HDAC9: variants seen among roughly 807,000 people sequenced by gnomAD.
HDAC9 encodes MEF-2 interacting transcription repressor (MITR) protein.
HDAC9 carries 41 observed loss-of-function variants against 139.4 expected under a neutral mutation model. That is an observed-to-expected ratio of 0.29 (90% confidence interval 0.23 to 0.38). The LOEUF is 0.38. Among genes scored for constraint, HDAC9 ranks in the 10% least tolerant of loss-of-function variants. The pLI is 1.00. For synonymous variants in HDAC9, 517 were observed against 476.2 expected (o/e 1.09, Z -1.12); for missense variants, 1,147 against 1,297.0 (o/e 0.88, Z 1.78).
intron 2 of HDAC9, among the ~76,000 whole-genome samples, chr7:18,582,488 C>A (rs114880964): frequency 0.01 from 1,537 of 152,072 alleles, 17 homozygotes; most frequent in Middle Eastern, 0.041. Context: ...CTTGATAAAT[C>A]TATTTTGACT....
At chr7:18,193,525 A>AT (rs1790505305) in intron 2 of HDAC9, among the ~76,000 whole-genome samples, 1 of 151,900 alleles carries the variant, frequency 6.6e-6, no homozygotes, top group Admixed American at 6.6e-5. Flanking sequence ...ATGTAGCGCC[A>AT]TGCTATATAA....
At chr7:18,392,399 GGATAGATAGATAGATAGATA>G (rs58794891) in intron 1 of HDAC9, among the ~76,000 whole-genome samples, 7 of 146,748 alleles carry the variant, frequency 4.8e-5, no homozygotes, top group Non-Finnish European at 9.0e-5. Context: ...ATAGATAGAT[GGATAGATAGATAGATAGATA>G]GATAGATAGA....
intron 1 of HDAC9, among the ~76,000 whole-genome samples, chr7:18,303,641 C>A (rs1798718046): frequency 6.6e-6 from 1 of 152,098 alleles, no homozygotes; most frequent in African/African-American, 2.4e-5. Context: ...CTTCTTTTTC[C>A]ATGGAAACAG....
At chr7:18,885,281 T>C (rs962380523) in intron 22 of HDAC9, among the ~76,000 whole-genome samples, 2 of 152,208 alleles carry the variant, frequency 1.3e-5, no homozygotes, top group Non-Finnish European at 2.9e-5. Context: ...AAAGGGAACA[T>C]TAATTTCATC....
rs370656742 is a variant in HDAC9 at position 18,393,544 on chromosome 7, C to A, written c.-41-102718C>A. Among the ~76,000 whole-genome samples, 14 of 152,046 alleles carry A rather than the reference C, an allele frequency of 9.2e-5. No homozygotes were observed. In the East Asian group the frequency reaches 2.5e-3, roughly 27 times the overall value. ...TTTTAAAAGGATGGATGAGGTGAGG[C>A]AGGGAGGGGGAGGCATGTAGAACTG... On this transcript the variant is annotated intron_variant, in intron 1 of 3. Coordinates refer to the HDAC9 transcript ENST00000413509.
intron 2 of HDAC9, among the ~76,000 whole-genome samples, chr7:18,212,950 C>T (rs1318333627): frequency 6.6e-6 from 1 of 152,192 alleles, no homozygotes; most frequent in East Asian, 1.9e-4. Context: ...GAACCAGCTG[C>T]AAGCTGTCTA....
At chr7:18,169,425 C>G (rs1198761615) in intron 2 of HDAC9, among the ~76,000 whole-genome samples, 1 of 151,098 alleles carries the variant, frequency 6.6e-6, no homozygotes, top group East Asian at 1.9e-4. Flanking sequence ...TTTTGCCATA[C>G]TTTTCCTTGC....
intron 16 of HDAC9, among the ~76,000 whole-genome samples, chr7:18,771,466 GTCTTAAATTTTCTTTTATCT>G (rs1790285269): frequency 6.6e-6 from 1 of 151,980 alleles, no homozygotes; most frequent in African/African-American, 2.4e-5. Flanking sequence ...TGGATGAAAT[GTCTTAAATTTTCTTTTATCT>G]TGTCAGAATT....
intron 2 of HDAC9, among the ~76,000 whole-genome samples, chr7:18,177,494 C>T (rs1267573660): frequency 6.6e-6 from 1 of 152,172 alleles, no homozygotes; most frequent in East Asian, 1.9e-4. Flanking sequence ...ACATGTAGAG[C>T]TGCTTACCTT....
At chr7:18,580,169 TG>T (rs1308886021) in intron 2 of HDAC9, among the ~76,000 whole-genome samples, 6 of 152,216 alleles carry the variant, frequency 3.9e-5, no homozygotes, top group African/African-American at 1.4e-4. Context: ...TAAACGTGAA[TG>T]TTCATGTTCA....
intron 1 of HDAC9, among the ~76,000 whole-genome samples, chr7:18,355,464 A>G (rs1390711376): frequency 6.6e-6 from 1 of 152,210 alleles, no homozygotes; most frequent in Non-Finnish European, 1.5e-5. Context: ...AGGATTAAAA[A>G]AATTCTGTTA....
chr7:18,585,963 A>G (rs1030209857), intron 3 of HDAC9, among the ~76,000 whole-genome samples: 1 of 152,198 alleles, frequency 6.6e-6, no homozygotes, highest in Admixed American at 6.5e-5. Flanking sequence ...AACATGGTGT[A>G]TAAGTAGATG....
intron 2 of HDAC9, among the ~76,000 whole-genome samples, chr7:18,275,641 G>A (rs933647601): frequency 2.0e-5 from 3 of 152,086 alleles, no homozygotes; most frequent in Non-Finnish European, 4.4e-5. Context: ...TGCCTCAAGT[G>A]CTCCCACCAG....
At chr7:18,131,969 C>G (rs1785041614) in intron 1 of HDAC9, among the ~76,000 whole-genome samples, 1 of 152,176 alleles carries the variant, frequency 6.6e-6, no homozygotes. Flanking sequence ...GCTATTTTAG[C>G]TAATGGCAAC....
chr7:18,115,266 C>G (rs1456380265), intron 1 of HDAC9, among the ~76,000 whole-genome samples: 1 of 149,454 alleles, frequency 6.7e-6, no homozygotes, highest in Non-Finnish European at 1.5e-5. Flanking sequence ...GCACTCCAGC[C>G]TAGGTGACAG....
At chr7:18,579,602 A>G (rs1458087162) in intron 2 of HDAC9, among the ~76,000 whole-genome samples, 2 of 152,204 alleles carry the variant, frequency 1.3e-5, no homozygotes, top group East Asian at 1.9e-4. Flanking sequence ...ACCATTTCCC[A>G]GGTAAAAATA....
chr7:18,877,300 C>A (rs747662488), intron 22 of HDAC9, among the ~76,000 whole-genome samples: 2 of 152,116 alleles, frequency 1.3e-5, no homozygotes, highest in Non-Finnish European at 2.9e-5. Context: ...AACCACCTGG[C>A]AGATGCATTC....
At chr7:18,435,059 C>CAAAAAAAAAAAAAAAAAAAAAAAA (rs376786180) in intron 1 of HDAC9, among the ~76,000 whole-genome samples, 2 of 67,810 alleles carry the variant, frequency 2.9e-5, no homozygotes, top group Non-Finnish European at 5.2e-5. Context: ...ACTACACAGC[C>CAAAAAAAAAAAAAAAAAAAAAAAA]AAAAAAAAAA....
rs149225105 is a variant in HDAC9 at position 18,211,222 on chromosome 7, C to T, written c.25+48873C>T. ...GCTCTTATTGAGCTGTGCTTCCATA[C>T]CTTTGGGCTTGTATGAAGATCTGCT... is the stretch of plus-strand genomic sequence containing the variant. On this transcript the variant is annotated intron_variant, in intron 2 of 12. Transcript: ENST00000417496. 5.2e-4 allele frequency among the ~76,000 whole-genome samples: 79 copies of T among 152,300 alleles called. 1 individual carries two copies. The East Asian group carries it at 0.015, about 28-fold the overall frequency.
Sources: gnomAD v4.1 joint callset for allele counts (sites outside exome capture counted in the v4.1 genomes callset) on GRCh38, gnomAD v4.1.1 for gene constraint, MANE v1.5 for transcripts, NCBI Gene and HGNC (gene_info 2026-07-23, HGNC 2026-07-21) for gene names.